Variants in SECISBP2 observed in about 807,000 individuals in gnomAD.
SECISBP2 encodes SECIS binding protein 2.
SECISBP2 carries 96 observed loss-of-function variants against 98.2 expected under a neutral mutation model. The observed-to-expected ratio is 0.98, with a 90% CI of 0.83 to 1.16. The LOEUF is 1.16. Among genes scored for constraint, SECISBP2 ranks in the 50% most tolerant of loss-of-function variants. The pLI, the probability that SECISBP2 is intolerant of heterozygous loss-of-function variation, is 0.00. For synonymous variants in SECISBP2, 407 were observed against 370.2 expected (o/e 1.10, Z -1.14); for missense variants, 1,046 against 1,022.9 (o/e 1.02, Z -0.31).
intron 2 of SECISBP2, among the ~76,000 whole-genome samples, chr9:89,320,021 G>A (rs938363004): frequency 2.0e-5 from 3 of 151,806 alleles, no homozygotes; most frequent in African/African-American, 7.3e-5. Flanking sequence ...TGTTATTTTC[G>A]GCAAAGAAAT....
Position 89,357,403 on chromosome 9 carries a change from T to C in SECISBP2, c.2114-8T>C. The C allele has an allele frequency of 3.7e-6, 6 of 1,613,886 alleles. No individual in the cohort carries two copies. Among genetic ancestry groups the C allele is most frequent in the Non-Finnish European group, 1.7e-6 (2 of 1,180,044 alleles). ...TCTTCCTGTCATTTTTCATTGTCCT[T>C]TGACCAGGTGGGCTGGATGACACTT... On this transcript the variant is annotated splice_region_variant and splice_polypyrimidine_tract_variant and intron_variant, in intron 14 of 16. Transcript: ENST00000375807.
At chr9:89,328,113 T>C (rs566893213) in intron 4 of SECISBP2, among the ~76,000 whole-genome samples, 2 of 152,352 alleles carry the variant, frequency 1.3e-5, no homozygotes, top group Admixed American at 1.3e-4. Flanking sequence ...ATTTTTCTTT[T>C]GTAAGTAGTG....
chr9:89,333,919 C>CGG, intron 6 of SECISBP2: 1 of 528,356 alleles, frequency 1.9e-6, no homozygotes, highest in South Asian at 7.6e-5. Flanking sequence ...GTGTAGTTCT[C>CGG]TAGTGAGGGG....
In SECISBP2 at chr9:89,325,914, GA is replaced by G. The variant is rs1207508166; in HGVS notation, c.457del (p.Thr153ArgfsTer20). 3.7e-6 allele frequency: 6 copies of G among 1,613,702 alleles called. No homozygotes were observed. Among genetic ancestry groups the G allele is most frequent in the Non-Finnish European group, 5.1e-6 (6 of 1,179,942 alleles). ...ALFKKKTYDE[K>X]KTYDQQKFDS... ...TCCTGCAGAAGAAAACCTATGATGAGAAAAAAACGTATGATCAGCAAAAGTT... is the reference window on the plus strand; with the variant it reads ...TCCTGCAGAAGAAAACCTATGATGAGAAAAAACGTATGATCAGCAAAAGTT... On this transcript the variant is annotated frameshift_variant, in exon 4 of 17. Transcript: ENST00000375807. LOFTEE classifies it high-confidence loss of function.
Position 89,350,622 on chromosome 9 carries a change from T to C in SECISBP2, c.1893-10T>C, listed in dbSNP as rs1322649751. 1 of 1,612,736 alleles carries C rather than the reference T, an allele frequency of 6.2e-7. No homozygotes were observed. The highest frequency in any genetic ancestry group is 8.5e-7 in the Non-Finnish European group (1 of 1,178,966). ...GTGGCACAATTCCTGATGTCTGATGTTTCTTTCAGTTACTGCAGCCAGATG... is the reference window on the plus strand; with the variant it reads ...GTGGCACAATTCCTGATGTCTGATGCTTCTTTCAGTTACTGCAGCCAGATG... On this transcript the variant is annotated splice_polypyrimidine_tract_variant and intron_variant, in intron 13 of 16. Transcript: ENST00000375807.
Position 89,359,102 on chromosome 9 carries a change from A to G in SECISBP2, c.*278A>G. On this transcript the variant is annotated 3_prime_UTR_variant, in exon 17 of 17. Transcript: ENST00000375807. ...ACTACGGATCTGGAAAATACTGGAA[A>G]ATGTGATACTTAGAATACTTTGGCT... 1 of 443,546 alleles carries G rather than the reference A, an allele frequency of 2.3e-6. No individual in the cohort carries two copies. Among genetic ancestry groups the G allele is most frequent in the Non-Finnish European group, 4.1e-6 (1 of 241,448 alleles). 27.5% of individuals were successfully genotyped at this position (443,546 alleles called of 1,614,324 possible).
rs374199098 is a variant in SECISBP2 at position 89,328,897 on chromosome 9, G to C, written c.801+11G>C. 26 of 1,597,154 alleles carry C rather than the reference G, an allele frequency of 1.6e-5. No individual in the cohort carries two copies. The highest frequency in any genetic ancestry group is 9.9e-5 in the South Asian group (9 of 90,576). On this transcript the variant is annotated intron_variant, in intron 5 of 16. Coordinates refer to ENST00000375807, the MANE Select transcript of SECISBP2 (RefSeq NM_024077.5). ...GCAGTGTTATCAAAGGTGAGGTGAG[G>C]GTTTCTCTCTTTTTCTTTTTCCTTT... is the stretch of plus-strand genomic sequence containing the variant.
chr9:89,352,182 G>A (rs1831376637), intron 14 of SECISBP2, among the ~76,000 whole-genome samples: 1 of 152,150 alleles, frequency 6.6e-6, no homozygotes, highest in African/African-American at 2.4e-5. Flanking sequence ...TATATACTTA[G>A]CATTAATGAA....
intron 14 of SECISBP2, among the ~76,000 whole-genome samples, chr9:89,351,684 G>A (rs2132006385): frequency 6.6e-6 from 1 of 152,300 alleles, no homozygotes; most frequent in Non-Finnish European, 1.5e-5. Context: ...CATATCTAAA[G>A]CCTGGAAGTT....
At chr9:89,356,142 C>T (rs1046047291) in intron 14 of SECISBP2, among the ~76,000 whole-genome samples, 7 of 152,208 alleles carry the variant, frequency 4.6e-5, no homozygotes, top group Non-Finnish European at 4.4e-5. Flanking sequence ...TGAGCTCTGC[C>T]TTCTGTCAGA....
At chr9:89,346,775 C>A (rs1830477971) in intron 10 of SECISBP2, 107 bp from the exon 11 acceptor site, 2 of 1,330,574 alleles carry the variant, frequency 1.5e-6, no homozygotes, top group South Asian at 1.2e-5. Flanking sequence ...GGTGACTTGG[C>A]AAACTCCTTC....
At chr9:89,338,982 A>C (rs1210544465) in intron 8 of SECISBP2, among the ~76,000 whole-genome samples, 1 of 152,140 alleles carries the variant, frequency 6.6e-6, no homozygotes, top group Admixed American at 6.5e-5. Flanking sequence ...ATAGAGAGAA[A>C]TGTAGAATAG....
chr9:89,341,667 T>C (rs1010153755), intron 10 of SECISBP2, among the ~76,000 whole-genome samples, 188 bp downstream of exon 10: 2 of 152,336 alleles, frequency 1.3e-5, no homozygotes, highest in South Asian at 2.1e-4. Flanking sequence ...CTGTGACCAA[T>C]TGATTTTTCA....
chr9:89,359,829 T>G (rs1832624001), downstream of SECISBP2, among the ~76,000 whole-genome samples: 1 of 152,208 alleles, frequency 6.6e-6, no homozygotes, highest in African/African-American at 2.4e-5. Context: ...CCTCCAGCAC[T>G]GCACAGACCT....
At chr9:89,360,901 TATGTAATTA>T (rs1204503035), downstream of SECISBP2, 2 of 152,180 alleles carry the variant, frequency 1.3e-5, no homozygotes, top group Admixed American at 6.5e-5. Context: ...AAACTTCAAG[TATGTAATTA>T]TTTTGTTAAG....
In SECISBP2 at chr9:89,350,706, A is replaced by G. The variant is rs752123228; in HGVS notation, c.1967A>G (p.Gln656Arg). ...TDLLKELVRF[Q>R]DRMYQKDPVK... Reference sequence around the variant, plus strand: ...CTACTCAAAGAACTGGTCCGTTTCCAAGACCGTATGTACCAGAAAGATCCA... The same window carrying G: ...CTACTCAAAGAACTGGTCCGTTTCCGAGACCGTATGTACCAGAAAGATCCA... The change falls in exon 14 of 17, where the codon CAA becomes CGA. Residue 656 changes from glutamine to arginine, a missense_variant. By Grantham distance (43) the Gln-to-Arg change is conservative. Transcript: ENST00000375807. 6.2e-7 allele frequency: 1 copy of G among 1,614,232 alleles called. No homozygotes were observed. The highest frequency in any genetic ancestry group is 8.5e-7 in the Non-Finnish European group (1 of 1,180,040).
chr9:89,362,540 C>A, downstream of SECISBP2: 3 of 1,584,256 alleles, frequency 1.9e-6, no homozygotes, highest in Non-Finnish European at 2.6e-6. Context: ...AGGCCTCAGC[C>A]CCCTGTTGTG....
At chr9:89,354,846 C>T in intron 14 of SECISBP2, 3 of 985,312 alleles carry the variant, frequency 3.0e-6, no homozygotes, top group Non-Finnish European at 3.6e-6. Flanking sequence ...AGAGATGCAT[C>T]TGATGTTACG....
intron 7 of SECISBP2, among the ~76,000 whole-genome samples, chr9:89,335,185 C>T (rs549228137): frequency 7.3e-4 from 109 of 149,012 alleles, no homozygotes; most frequent in African/African-American, 2.3e-3. Flanking sequence ...CAGTGCACTC[C>T]AGCCTGGGCA....
Sources: allele counts gnomAD v4.1 joint callset (sites outside exome capture counted in the v4.1 genomes callset), GRCh38; gene constraint gnomAD v4.1.1; transcripts MANE v1.5; gene names NCBI Gene and HGNC (gene_info 2026-07-23, HGNC 2026-07-21).